The following SLC16A12 variants were observed in gnomAD, a reference collection of about 807,000 sequenced individuals.
SLC16A12 encodes monocarboxylate transporter 12.
In SLC16A12, 17 loss-of-function variants were observed where a neutral mutation model predicts 42.4. The observed-to-expected ratio is 0.40, with a 90% confidence interval of 0.27 to 0.60. SLC16A12 has a LOEUF of 0.60. SLC16A12 is among the 20% of genes least tolerant of loss of function. SLC16A12 has a pLI of 0.42. For missense variants in SLC16A12, 544 were observed against 623.0 expected (o/e 0.87, Z 1.35); for synonymous variants, 224 against 229.4 (o/e 0.98, Z 0.21).
intron 5 of SLC16A12, among the ~76,000 whole-genome samples, chr10:89,440,072 T>C (rs7913037): frequency 0.084 from 1,586 of 18,834 alleles, 43 homozygotes; most frequent in African/African-American, 0.17. Flanking sequence ...AGACCCTGTC[T>C]CAAAAAAAAA....
At chr10:89,545,130 C>T (rs1843735541) in intron 2 of SLC16A12, among the ~76,000 whole-genome samples, 1 of 152,104 alleles carries the variant, frequency 6.6e-6, no homozygotes, top group African/African-American at 2.4e-5. Flanking sequence ...CCCAGTTGAG[C>T]CCAGCCAAGA....
intron 2 of SLC16A12, among the ~76,000 whole-genome samples, chr10:89,546,375 A>C (rs1266119673): frequency 1.3e-5 from 2 of 152,228 alleles, no homozygotes; most frequent in Admixed American, 6.5e-5. Flanking sequence ...TGAGCAAAGG[A>C]TATGGACAGA....
intron 2 of SLC16A12, among the ~76,000 whole-genome samples, chr10:89,555,461 G>T (rs1212303403): frequency 1.0e-5 from 1 of 96,240 alleles, no homozygotes; most frequent in African/African-American, 4.2e-5. Flanking sequence ...CTACAGAAAG[G>T]ATAATATATA....
chr10:89,479,097 T>G (rs1801216509), intron 2 of SLC16A12, among the ~76,000 whole-genome samples: 1 of 152,202 alleles, frequency 6.6e-6, no homozygotes, highest in South Asian at 2.1e-4. Flanking sequence ...AGTGTCTCAG[T>G]GCCTCATTCC....
chr10:89,451,908 T>C (rs182972081), intron 3 of SLC16A12, among the ~76,000 whole-genome samples: 57 of 152,272 alleles, frequency 3.7e-4, no homozygotes, highest in Non-Finnish European at 6.0e-4. Context: ...ATGAGGTAAG[T>C]GTGTTACATC....
chr10:89,536,670 C>A (rs1321131269), upstream of SLC16A12, among the ~76,000 whole-genome samples: 5 of 152,018 alleles, frequency 3.3e-5, no homozygotes, highest in Admixed American at 6.6e-5. Context: ...TACGTCCTCA[C>A]TTCTTCAAGA....
intron 3 of SLC16A12, among the ~76,000 whole-genome samples, chr10:89,459,459 ATAGTT>A (rs1156532138): frequency 6.6e-6 from 1 of 151,740 alleles, no homozygotes; most frequent in Non-Finnish European, 1.5e-5. Context: ...GTGTATGAGA[ATAGTT>A]TAGGAAGCTA....
intron 2 of SLC16A12, among the ~76,000 whole-genome samples, chr10:89,545,749 G>C (rs575887702): frequency 6.6e-6 from 1 of 152,144 alleles, no homozygotes; most frequent in African/African-American, 2.4e-5. Flanking sequence ...ACCTCACATA[G>C]CCAAGACAAT....
At chr10:89,486,614 A>AGAAG (rs1842750468) in intron 2 of SLC16A12, among the ~76,000 whole-genome samples, 10 of 92,238 alleles carry the variant, frequency 1.1e-4, no homozygotes, top group Non-Finnish European at 2.0e-4. Context: ...AAAGAAAGAA[A>AGAAG]GAAAGAAAGA....
intron 2 of SLC16A12, among the ~76,000 whole-genome samples, chr10:89,477,519 G>A (rs955943882): frequency 2.9e-5 from 4 of 138,976 alleles, no homozygotes; most frequent in African/African-American, 1.1e-4. Flanking sequence ...AGCCGAGATT[G>A]TGCCATTGCA....
chr10:89,483,751 A>AAT (rs1564584796), intron 2 of SLC16A12, among the ~76,000 whole-genome samples: 4 of 148,984 alleles, frequency 2.7e-5, no homozygotes. Flanking sequence ...AAAAAAAAAA[A>AAT]AACAAAAAAA....
intron 3 of SLC16A12, among the ~76,000 whole-genome samples, chr10:89,457,264 C>A (rs1362430757): frequency 1.3e-4 from 20 of 152,028 alleles, no homozygotes; most frequent in Non-Finnish European, 4.4e-5. Context: ...CTACAAGGAA[C>A]TTAAACAAAC....
At chr10:89,485,572 A>G (rs1200689274) in intron 2 of SLC16A12, among the ~76,000 whole-genome samples, 1 of 152,186 alleles carries the variant, frequency 6.6e-6, no homozygotes, top group African/African-American at 2.4e-5. Context: ...AACCAAAGAT[A>G]TCTGAGATAG....
chr10:89,516,969 T>C (rs573708086), intron 2 of SLC16A12, among the ~76,000 whole-genome samples: 1 of 152,236 alleles, frequency 6.6e-6, no homozygotes, highest in Admixed American at 6.5e-5. Context: ...ATACCTGTAA[T>C]TCCAGCATTT....
intron 2 of SLC16A12, among the ~76,000 whole-genome samples, chr10:89,497,260 T>TA: frequency 6.6e-6 from 1 of 152,292 alleles, no homozygotes; most frequent in South Asian, 2.1e-4. Flanking sequence ...TAAACACATA[T>TA]ACACACATGA....
chr10:89,537,770 G>A (rs992848287), upstream of SLC16A12, among the ~76,000 whole-genome samples: 2 of 152,314 alleles, frequency 1.3e-5, no homozygotes, highest in East Asian at 3.9e-4. Flanking sequence ...TTGGAGACTA[G>A]GACACCGCAC....
At chr10:89,503,666 G>A (rs1843020301) in intron 2 of SLC16A12, among the ~76,000 whole-genome samples, 1 of 152,222 alleles carries the variant, frequency 6.6e-6, no homozygotes, top group Admixed American at 6.5e-5. Context: ...GTCAAGAAGG[G>A]TGGGTGTTTT....
rs1406696075 is a variant in SLC16A12, at chr10:89,430,547, T to G, written c.*2517A>C. ...GTTCTTGATTCCACAAAATACATCA[T>G]TCCCATGAATTTCTCAGTTTTGAAA... On this transcript the variant is annotated 3_prime_UTR_variant, in exon 8 of 8. Transcript: ENST00000371790. The G allele has an allele frequency of 2.4e-6, 1 of 423,002 alleles. No homozygotes were observed. The highest frequency in any genetic ancestry group is 2.1e-5 in the African/African-American group (1 of 46,714). 26.2% of individuals were successfully genotyped at this position (423,002 alleles called of 1,614,324 possible).
In SLC16A12 at chr10:89,438,854, T is replaced by C. The variant is rs1166019827; in HGVS notation, c.778A>G (p.Lys260Glu). Residue 260 changes from lysine (K) to glutamate (E), a missense_variant, in exon 6 of 8, where the codon AAA becomes GAA. Physicochemically the swap from Lys to Glu is moderately conservative, Grantham distance 56. Transcript: ENST00000371790. Reference sequence around the variant, plus strand: ...CAGAGGCAAGTCTGTGCCCATTCTTTGGTCAAAGATGAATAGGGAGACACC... The same window carrying C: ...CAGAGGCAAGTCTGTGCCCATTCTTCGGTCAAAGATGAATAGGGAGACACC... ...KRVSPYSSLT[K>E]EWAQTCLCCC... is the part of the protein sequence containing the mutation. 1.2e-6 allele frequency: 2 copies of C among 1,614,056 alleles called. No individual in the cohort carries two copies. The highest frequency in any genetic ancestry group is 1.1e-5 in the South Asian group (1 of 91,086).
Sources: gnomAD v4.1 joint callset for allele counts (sites outside exome capture counted in the v4.1 genomes callset) on GRCh38, gnomAD v4.1.1 for gene constraint, MANE v1.5 for transcripts, NCBI Gene and HGNC (gene_info 2026-07-23, HGNC 2026-07-21) for gene names.